POU6F2: variants seen among roughly 807,000 people sequenced by gnomAD.
The protein encoded by POU6F2 is POU domain, class 6, transcription factor 2.
In POU6F2, 31 loss-of-function variants were observed where a neutral mutation model predicts 71.3. That is an observed-to-expected ratio of 0.43 (90% confidence interval 0.33 to 0.59). POU6F2 has a LOEUF of 0.59. POU6F2 is among the 20% of genes least tolerant of loss of function. The probability of loss-of-function intolerance (pLI) is 0.04; values close to 1 mark genes in which losing one functional copy is unlikely to be tolerated. For synonymous variants in POU6F2, 347 were observed against 355.7 expected (o/e 0.98, Z 0.27); for missense variants, 783 against 856.8 (o/e 0.91, Z 1.07).
rs1240922902 is a variant in POU6F2 at position 39,204,244 on chromosome 7, G to A, written c.287G>A (p.Gly96Glu). 2 of 1,613,480 alleles carry A rather than the reference G, an allele frequency of 1.2e-6. No individual in the cohort carries two copies. Among genetic ancestry groups the A allele is most frequent in the African/African-American group, 2.7e-5 (2 of 74,860 alleles). ...DTPSKLFGAR[G>E]NPALSDPGTP... ...CTCTTTTGAATTCCAGGGGCTAGAG[G>A]AAACCCAGCATTATCAGACCCAGGC... The change falls in exon 3 of 10, where the codon GGA (glycine) becomes GAA (glutamate). Residue 96 changes from glycine to glutamate, a missense_variant. By Grantham distance (98) the Gly-to-Glu change is moderately conservative. Transcript: ENST00000518318.
chr7:39,172,974 A>G (rs952439805), intron 2 of POU6F2, among the ~76,000 whole-genome samples: 1 of 152,026 alleles, frequency 6.6e-6, no homozygotes, highest in African/African-American at 2.4e-5. Context: ...CAATAGAAAT[A>G]TGATGTGAAC....
intron 2 of POU6F2, among the ~76,000 whole-genome samples, chr7:39,145,271 T>C (rs1423837321): frequency 6.6e-6 from 1 of 152,230 alleles, no homozygotes; most frequent in South Asian, 2.1e-4. Flanking sequence ...CAAGGTACTA[T>C]GCTTACAAAA....
At chr7:39,462,754 G>C (rs763894) in intron 9 of POU6F2, among the ~76,000 whole-genome samples, 142,346 of 152,304 alleles carry the variant, frequency 0.93, 66,616 homozygotes, top group East Asian at 1. Flanking sequence ...TACTCCTTCC[G>C]TCCTTGACCA....
chr7:39,451,654 C>T lies in POU6F2; in HGVS notation c.1442C>T (p.Ser481Phe). 1 of 1,611,126 alleles carries T rather than the reference C, an allele frequency of 6.2e-7. No homozygotes were observed. The highest frequency in any genetic ancestry group is 8.5e-7 in the Non-Finnish European group (1 of 1,178,660). ...GTCCGGCAGGCTTCCTCTTCTTCCT[C>T]CTCATCCTCCTCTTCTTCAGCTTTG... ...SPVRQASSSS[S>F]SSSSSSALSV... The change falls in exon 8 of 10, where the codon TCC becomes TTC. Residue 481 changes from serine to phenylalanine, a missense_variant. Physicochemically the swap from Ser to Phe is radical, Grantham distance 155. This residue lies in a region of POU6F2 where 572 missense variants were observed against 572.9 expected (regional missense o/e 1.00). Transcript: ENST00000518318.
At chr7:39,406,347 G>A in intron 5 of POU6F2, 1 of 488,284 alleles carries the variant, frequency 2.0e-6, no homozygotes, top group Non-Finnish European at 3.7e-6. Flanking sequence ...TGAAGTTCAG[G>A]CTCGTTCCCT....
chr7:39,132,640 A>T (rs1168417993), intron 2 of POU6F2: 3 of 152,194 alleles, frequency 2.0e-5, no homozygotes, highest in Non-Finnish European at 4.4e-5. Context: ...TTGGTCACAT[A>T]TTGATAGAAT....
intron 4 of POU6F2, among the ~76,000 whole-genome samples, chr7:39,231,733 G>A (rs1439395312): frequency 3.3e-5 from 5 of 152,134 alleles, no homozygotes; most frequent in East Asian, 1.9e-4. Flanking sequence ...ATCCAGTGGC[G>A]GACTCAGGGG....
intron 5 of POU6F2, among the ~76,000 whole-genome samples, chr7:39,379,493 T>A (rs1786781476): frequency 6.6e-6 from 1 of 152,058 alleles, no homozygotes; most frequent in African/African-American, 2.4e-5. Flanking sequence ...TCACCTCCCT[T>A]CCTCAAGCTC....
chr7:39,347,691 GCACAAA>G (rs1786057384), intron 5 of POU6F2, among the ~76,000 whole-genome samples: 1 of 103,898 alleles, frequency 9.6e-6, no homozygotes, highest in Non-Finnish European at 2.4e-5. Context: ...GCATACAGTG[GCACAAA>G]CACAGCTCAC....
chr7:39,316,645 G>A (rs1035358307), intron 4 of POU6F2, among the ~76,000 whole-genome samples: 2 of 152,140 alleles, frequency 1.3e-5, no homozygotes, highest in African/African-American at 2.4e-5. Context: ...CTAAGTTGGT[G>A]TAGCTCACAG....
intron 4 of POU6F2, among the ~76,000 whole-genome samples, chr7:39,322,038 C>G (rs1021325612): frequency 6.6e-6 from 1 of 152,126 alleles, no homozygotes; most frequent in Non-Finnish European, 1.5e-5. Context: ...AATTCTCATC[C>G]TCCTCTAAAT....
intron 1 of POU6F2, among the ~76,000 whole-genome samples, chr7:39,001,378 T>C (rs1788899887): frequency 6.6e-6 from 1 of 152,176 alleles, no homozygotes; most frequent in African/African-American, 2.4e-5. Flanking sequence ...ATCCTGGGGA[T>C]AGAAGATTAC....
At chr7:39,227,645 C>T (rs1794493876) in intron 4 of POU6F2, among the ~76,000 whole-genome samples, 1 of 151,480 alleles carries the variant, frequency 6.6e-6, no homozygotes, top group Non-Finnish European at 1.5e-5. Flanking sequence ...ACCTCTGCCA[C>T]CCGGGTTCAC....
chr7:39,097,424 A>G (rs1207435453), intron 2 of POU6F2, among the ~76,000 whole-genome samples: 1 of 152,208 alleles, frequency 6.6e-6, no homozygotes, highest in Non-Finnish European at 1.5e-5. Flanking sequence ...AGGAATTTTC[A>G]TCAACTCTCT....
At chr7:39,012,158 C>G (rs571872671) in intron 1 of POU6F2, among the ~76,000 whole-genome samples, 12 of 151,700 alleles carry the variant, frequency 7.9e-5, no homozygotes, top group African/African-American at 2.9e-4. Context: ...CTTTCAGGTA[C>G]ACCAATCAGA....
intron 2 of POU6F2, among the ~76,000 whole-genome samples, chr7:39,132,958 A>C (rs775154197): frequency 6.6e-6 from 1 of 152,208 alleles, no homozygotes; most frequent in Non-Finnish European, 1.5e-5. Flanking sequence ...CTCTATTAAG[A>C]ACATCTCCTT....
Position 39,085,947 on chromosome 7 carries a change from G to A in POU6F2, c.193G>A (p.Ala65Thr). ...GGAGTTGAGAGGTGAGGACAAGGCT[G>A]CTACTTCAGACAGCGAGCTGAATGA... ...NAELRGEDKA[A>T]TSDSELNEPL... Residue 65 changes from alanine (A) to threonine (T), a missense_variant, in exon 2 of 10, where the codon GCT (alanine) becomes ACT (threonine). By Grantham distance (58) the Ala-to-Thr change is moderately conservative (BLOSUM62 0). Transcript: ENST00000518318. The A allele has an allele frequency of 6.2e-7, 1 of 1,613,766 alleles. No individual in the cohort carries two copies. Among genetic ancestry groups the A allele is most frequent in the Non-Finnish European group, 8.5e-7 (1 of 1,179,804 alleles).
At chr7:39,234,407 G>C (rs1157141413) in intron 4 of POU6F2, among the ~76,000 whole-genome samples, 1 of 152,124 alleles carries the variant, frequency 6.6e-6, no homozygotes, top group African/African-American at 2.4e-5. Context: ...GTGCAGTGCT[G>C]AGGCCCTGAG....
At chr7:39,112,034 T>A (rs1791823346) in intron 2 of POU6F2, among the ~76,000 whole-genome samples, 1 of 152,148 alleles carries the variant, frequency 6.6e-6, no homozygotes, top group Non-Finnish European at 1.5e-5. Context: ...TTCTTCATCG[T>A]TAGAAGTCCT....
Sources: allele counts gnomAD v4.1 joint callset (sites outside exome capture counted in the v4.1 genomes callset), GRCh38; gene constraint gnomAD v4.1.1; regional missense constraint gnomAD v4.1.1; transcripts MANE v1.5; gene names NCBI Gene and HGNC (gene_info 2026-07-23, HGNC 2026-07-21).